The following OR51B5 variants were observed in gnomAD, a reference collection of about 807,000 sequenced individuals.
OR51B5 encodes olfactory receptor family 51 subfamily B member 5, also known as olfactory receptor 51B5.
For missense variants in OR51B5, 456 were observed against 374.6 expected (o/e 1.22, Z -1.79); for synonymous variants, 186 against 144.8 (o/e 1.28, Z -2.04).
At chr11:5,419,648 T>C (rs1850300234) in intron 1 of OR51B5, among the ~76,000 whole-genome samples, 2 of 152,282 alleles carry the variant, frequency 1.3e-5, no homozygotes, top group South Asian at 4.1e-4. Context: ...CATGAACATC[T>C]ACAGATGTTG....
chr11:5,370,891 G>A (rs2133706655), intron 1 of OR51B5, among the ~76,000 whole-genome samples: 1 of 152,310 alleles, frequency 6.6e-6, no homozygotes, highest in Non-Finnish European at 1.5e-5. Context: ...TGTGACCTGA[G>A]AGTTGTAGAG....
intron 1 of OR51B5, chr11:5,390,280 T>A (rs1849775335): frequency 6.2e-7 from 1 of 1,613,944 alleles, no homozygotes; most frequent in Non-Finnish European, 8.5e-7. Flanking sequence ...TCTACCTTTT[T>A]GTGCCTCCCA....
chr11:5,437,053 G>A (rs893465083), intron 1 of OR51B5, among the ~76,000 whole-genome samples: 1 of 152,138 alleles, frequency 6.6e-6, no homozygotes, highest in African/African-American at 2.4e-5. Context: ...GGGAAAGGAG[G>A]AGGGTTAGAT....
chr11:5,378,254 C>A (rs922566830), intron 1 of OR51B5, among the ~76,000 whole-genome samples: 2 of 151,932 alleles, frequency 1.3e-5, no homozygotes. Flanking sequence ...AACTGGCTAG[C>A]CATATGTAGA....
chr11:5,411,315 T>A (rs563677301), intron 1 of OR51B5, among the ~76,000 whole-genome samples: 1 of 152,216 alleles, frequency 6.6e-6, no homozygotes, highest in Non-Finnish European at 1.5e-5. Context: ...TAGAGCAACA[T>A]GTACATGTTT....
intron 1 of OR51B5, among the ~76,000 whole-genome samples, chr11:5,370,492 A>G (rs1245049591): frequency 6.6e-6 from 1 of 152,184 alleles, no homozygotes; most frequent in East Asian, 1.9e-4. Context: ...TTAATGCCAG[A>G]AAATATCTAT....
At chr11:5,465,161 C>G (rs1171684647) in intron 1 of OR51B5, among the ~76,000 whole-genome samples, 4 of 140,870 alleles carry the variant, frequency 2.8e-5, no homozygotes, top group Non-Finnish European at 4.6e-5. Context: ...AGCCGAGATC[C>G]CGCCACTGCA....
At chr11:5,362,968 TA>T (rs776247574) in intron 1 of OR51B5, 2,383 of 144,788 alleles carry the variant, frequency 0.016, 29 homozygotes, top group African/African-American at 0.025. Context: ...TGTATGGCAT[TA>T]AAAAAAAAAA....
chr11:5,423,349 G>T, intron 1 of OR51B5: 2 of 575,898 alleles, frequency 3.5e-6, no homozygotes, highest in Admixed American at 6.8e-5. Context: ...ATATGGATCT[G>T]AGTTGATAAA....
At position 5,362,713 on chromosome 11, in the gene OR51B5, C is replaced by G. The variant is rs1362933499; in HGVS notation, n.85-15803G>C. ...TTTTGGCCATCGACATGTTCTTCAC[C>G]ACCTGGTTCTTTGTTTACGAGGTCA... On this transcript the variant is annotated intron_variant and non_coding_transcript_variant, in intron 1 of 4. Transcript: ENST00000415970. The G allele has an allele frequency of 1.3e-5, 3 of 227,418 alleles. No homozygotes were observed. The East Asian group carries it at 3.4e-4, about 26-fold the overall frequency. The allele number at this position is 227,418 out of a possible 1,614,324, so 14.1% of individuals were successfully genotyped here.
intron 1 of OR51B5, among the ~76,000 whole-genome samples, chr11:5,382,545 G>A (rs1182746222): frequency 1.3e-5 from 2 of 152,066 alleles, no homozygotes; most frequent in East Asian, 3.9e-4. Context: ...TACTGTCCTT[G>A]GCTAGGATCC....
At chr11:5,501,813 A>C (rs527761538) in intron 1 of OR51B5, among the ~76,000 whole-genome samples, 2 of 148,266 alleles carry the variant, frequency 1.3e-5, no homozygotes, top group South Asian at 4.3e-4. Context: ...CATGTGCACA[A>C]CGTGCAGGTT....
chr11:5,483,818 C>A (rs1590022839), intron 1 of OR51B5, among the ~76,000 whole-genome samples: 1 of 152,124 alleles, frequency 6.6e-6, no homozygotes, highest in South Asian at 2.1e-4. Context: ...TTTACCAATC[C>A]CCTTGACTAG....
intron 1 of OR51B5, chr11:5,453,824 A>G: frequency 1.9e-6 from 3 of 1,614,216 alleles, no homozygotes; most frequent in Non-Finnish European, 2.5e-6. Context: ...TGATGGAATC[A>G]GGTATTCTGC....
At chr11:5,411,702 C>T (rs1850151507) in intron 1 of OR51B5, among the ~76,000 whole-genome samples, 1 of 152,104 alleles carries the variant, frequency 6.6e-6, no homozygotes, top group Admixed American at 6.5e-5. Context: ...ATCAGCAAAC[C>T]TTAAAATAAG....
intron 1 of OR51B5, among the ~76,000 whole-genome samples, chr11:5,419,361 G>T (rs1181047483): frequency 6.6e-6 from 1 of 152,130 alleles, no homozygotes; most frequent in Non-Finnish European, 1.5e-5. Context: ...TTTGGCTTTG[G>T]AATTCAACAG....
chr11:5,378,613 A>C (rs1415387346), intron 1 of OR51B5, among the ~76,000 whole-genome samples: 1 of 152,256 alleles, frequency 6.6e-6, no homozygotes, highest in Admixed American at 6.5e-5. Context: ...ACAAATTTAC[A>C]AGAAAAAAAC....
intron 1 of OR51B5, among the ~76,000 whole-genome samples, chr11:5,421,294 T>A (rs527788694): frequency 3.3e-5 from 5 of 152,324 alleles, no homozygotes; most frequent in Admixed American, 1.3e-4. Flanking sequence ...ACCTGCTCTC[T>A]GAGCTAAGCT....
intron 1 of OR51B5, among the ~76,000 whole-genome samples, chr11:5,450,196 C>G (rs1850822953): frequency 6.6e-6 from 1 of 151,980 alleles, no homozygotes; most frequent in African/African-American, 2.4e-5. Context: ...CGAGACCAGC[C>G]TGGCCAATAT....
Sources: allele counts gnomAD v4.1 joint callset (sites outside exome capture counted in the v4.1 genomes callset), GRCh38; gene constraint gnomAD v4.1.1; transcripts MANE v1.5; gene names NCBI Gene and HGNC (gene_info 2026-07-23, HGNC 2026-07-21).